TRPC4: variants seen among roughly 807,000 people sequenced by gnomAD.
TRPC4 encodes the protein short transient receptor potential channel 4.
A neutral mutation model predicts 99.4 loss-of-function variants in TRPC4; 49 were observed. The observed-to-expected ratio is 0.49, with a 90% CI of 0.39 to 0.63. TRPC4 has a LOEUF of 0.63. Ranked by LOEUF, TRPC4 falls within the 20% of genes least tolerant of loss-of-function variation. The pLI is 0.00. For synonymous variants in TRPC4, 454 were observed against 425.9 expected, an observed-to-expected ratio of 1.07 and a Z score of -0.81; for missense variants, 898 against 1,152.9, an observed-to-expected ratio of 0.78 and a Z score of 3.20.
intron 2 of TRPC4, among the ~76,000 whole-genome samples, chr13:37,758,442 C>A (rs1177963411): frequency 6.6e-6 from 1 of 151,456 alleles, no homozygotes; most frequent in Non-Finnish European, 1.5e-5. Context: ...AAACCAGTAG[C>A]AAAACTCACA....
chr13:37,711,190 G>C (rs1368530911), intron 3 of TRPC4, among the ~76,000 whole-genome samples: 2 of 151,782 alleles, frequency 1.3e-5, no homozygotes, highest in African/African-American at 2.4e-5. Context: ...GCTTCCTTTT[G>C]TTTGCATTGT....
chr13:37,639,582 A>G (rs1951651610), intron 8 of TRPC4, among the ~76,000 whole-genome samples: 1 of 152,062 alleles, frequency 6.6e-6, no homozygotes, highest in African/African-American at 2.4e-5. Flanking sequence ...AATTACAGTT[A>G]ATATGCACTC....
chr13:37,751,588 T>G (rs1955935148), intron 2 of TRPC4, among the ~76,000 whole-genome samples: 1 of 152,110 alleles, frequency 6.6e-6, no homozygotes, highest in Non-Finnish European at 1.5e-5. Context: ...CCTCCACTAC[T>G]GCAAATGCGA....
chr13:37,686,659 C>CAT (rs1953491575), intron 4 of TRPC4, among the ~76,000 whole-genome samples: 2 of 152,036 alleles, frequency 1.3e-5, no homozygotes, highest in African/African-American at 4.8e-5. Flanking sequence ...TAAAAATTTG[C>CAT]TAAATAAAGT....
intron 1 of TRPC4, among the ~76,000 whole-genome samples, chr13:37,858,792 T>C (rs979701759): frequency 6.6e-6 from 1 of 151,380 alleles, no homozygotes; most frequent in Non-Finnish European, 1.5e-5. Context: ...GTATGGGTAA[T>C]GGGGGTTGAG....
At chr13:37,827,830 C>T (rs1315264118) in intron 1 of TRPC4, among the ~76,000 whole-genome samples, 1 of 152,252 alleles carries the variant, frequency 6.6e-6, no homozygotes, top group Non-Finnish European at 1.5e-5. Flanking sequence ...GCTTTGTTTA[C>T]CTAAGCAAGC....
At chr13:37,771,549 G>A (rs1956549685) in intron 2 of TRPC4, among the ~76,000 whole-genome samples, 1 of 126,922 alleles carries the variant, frequency 7.9e-6, no homozygotes, top group African/African-American at 3.8e-5. Context: ...TGAAGGTATA[G>A]TGTGCATGAG....
chr13:37,823,768 C>A (rs1424620209), intron 1 of TRPC4, among the ~76,000 whole-genome samples: 3 of 139,080 alleles, frequency 2.2e-5, no homozygotes, highest in Non-Finnish European at 1.6e-5. Flanking sequence ...CTTTTTTGTT[C>A]CATATGAACT....
chr13:37,703,062 G>C (rs1319268394), intron 3 of TRPC4, among the ~76,000 whole-genome samples: 1 of 152,088 alleles, frequency 6.6e-6, no homozygotes, highest in African/African-American at 2.4e-5. Context: ...CAGGGATGCA[G>C]GAGAAAATAC....
chr13:37,718,893 T>C (rs1405467342), intron 3 of TRPC4, among the ~76,000 whole-genome samples: 2 of 152,096 alleles, frequency 1.3e-5, no homozygotes, highest in African/African-American at 4.8e-5. Flanking sequence ...CTCCAAATTG[T>C]TGAAATACAT....
chr13:37,785,458 T>C (rs1484196094), intron 1 of TRPC4, among the ~76,000 whole-genome samples: 1 of 152,162 alleles, frequency 6.6e-6, no homozygotes, highest in African/African-American at 2.4e-5. Flanking sequence ...CTCAGTTCTT[T>C]CTTATCCATG....
intron 1 of TRPC4, among the ~76,000 whole-genome samples, chr13:37,815,665 G>T (rs1241336618): frequency 6.6e-6 from 1 of 151,838 alleles, no homozygotes; most frequent in Non-Finnish European, 1.5e-5. Context: ...CGCAATAAAA[G>T]TGGAAGACTT....
chr13:37,661,539 A>C (rs1952437486), intron 6 of TRPC4, among the ~76,000 whole-genome samples: 1 of 152,248 alleles, frequency 6.6e-6, no homozygotes, highest in African/African-American at 2.4e-5. Context: ...GGAGGAAGTC[A>C]GAAGGATATG....
In TRPC4 at chr13:37,767,903, A is replaced by G. The variant is rs79822372; in HGVS notation, c.378+15053T>C. 1.1e-3 allele frequency among the ~76,000 whole-genome samples: 170 copies of G among 151,582 alleles called. 4 individuals are homozygous for G. In the East Asian group the frequency reaches 0.027, roughly 24 times the overall value. On this transcript the variant is annotated intron_variant, in intron 2 of 10. Transcript: ENST00000379705. The stretch of plus-strand genomic sequence containing the variant: ...TTGTTTACAGTGTAATTTATGCCTA[A>G]TGAATAGACTGGTATTCTTAAGTTT...
Position 37,636,907 on chromosome 13 carries a change from A to T in TRPC4, c.2930T>A (p.Leu977Ter). ...VTHEDYVTTR[L>*] ...AAACGCTTCCTCCTTCAAGTATCAC[A>T]ATCTTGTGGTCACGTAATCTTCGTG... Residue 977 changes from leucine (L) to a stop codon, truncating the protein, a stop_gained, in exon 11 of 11, where the codon TTG becomes TAG. Coordinates refer to ENST00000379705, the MANE Select transcript of TRPC4 (RefSeq NM_016179.4). LOFTEE classifies it high-confidence loss of function. The T allele has an allele frequency of 1.9e-6, 3 of 1,608,068 alleles. No homozygotes were observed. The highest frequency in any genetic ancestry group is 2.5e-6 in the Non-Finnish European group (3 of 1,176,636).
intron 1 of TRPC4, among the ~76,000 whole-genome samples, chr13:37,807,928 G>A (rs772382601): frequency 6.6e-6 from 1 of 152,052 alleles, no homozygotes; most frequent in Non-Finnish European, 1.5e-5. Context: ...TCAAAAGCAG[G>A]TTCTGACACC....
rs1443303675 is a variant in TRPC4 at position 37,746,594 on chromosome 13, G to T, written c.379-139C>A. 8.0e-6 allele frequency: 7 copies of T among 880,384 alleles called. No individual in the cohort carries two copies. In the Admixed American group the frequency reaches 1.4e-4, roughly 17 times the overall value. The allele number at this position is 880,384 out of a possible 1,614,324, so 54.5% of individuals were successfully genotyped here. A position where few individuals can be genotyped will look rare whatever the true frequency, so the allele number is the denominator to read the frequency against. On this transcript the variant is annotated intron_variant, in intron 2 of 10. Transcript: ENST00000379705. The stretch of plus-strand genomic sequence containing the variant: ...TTTTTTTTTTTTGTAGGAGAGATAT[G>T]GTCTTTTCCCCTACAAAAAGACCAG...
At chr13:37,743,341 T>A (rs899626965) in intron 3 of TRPC4, among the ~76,000 whole-genome samples, 1 of 152,118 alleles carries the variant, frequency 6.6e-6, no homozygotes, top group African/African-American at 2.4e-5. Flanking sequence ...TTGAGAGAAG[T>A]GTTGGAAATT....
At chr13:37,840,442 C>G (rs559765830) in intron 1 of TRPC4, among the ~76,000 whole-genome samples, 7 of 152,012 alleles carry the variant, frequency 4.6e-5, no homozygotes, top group Non-Finnish European at 8.8e-5. Flanking sequence ...TCCTTAGACC[C>G]TTTTATATCA....
Sources: allele counts gnomAD v4.1 joint callset (sites outside exome capture counted in the v4.1 genomes callset), GRCh38; gene constraint gnomAD v4.1.1; transcripts MANE v1.5; gene names NCBI Gene and HGNC (gene_info 2026-07-23, HGNC 2026-07-21).